TREH: variants seen among roughly 807,000 people sequenced by gnomAD.
The protein encoded by TREH is alpha,alpha-trehalose glucohydrolase.
In TREH, 69 loss-of-function variants were observed where a neutral mutation model predicts 80.5. That is an observed-to-expected ratio of 0.86 (90% confidence interval 0.71 to 1.05). The LOEUF is 1.05. Ranked by LOEUF, TREH falls within the 50% of genes least tolerant of loss-of-function variation. TREH has a pLI of 0.00. For missense variants in TREH, 716 were observed against 718.8 expected (o/e 1.00, Z 0.04); for synonymous variants, 309 against 293.5 (o/e 1.05, Z -0.54).
Position 118,662,144 on chromosome 11 carries a change from G to C in TREH, c.424-154C>G, listed in dbSNP as rs537884247. On this transcript the variant is annotated intron_variant, in intron 4 of 14. Transcript: ENST00000264029. Reference sequence around the variant, plus strand: ...CACTGCTACTCAGCCATGTAATCAAGGCCTGGCCGCTGGGAGCCTTGGGGT... The same window carrying C: ...CACTGCTACTCAGCCATGTAATCAACGCCTGGCCGCTGGGAGCCTTGGGGT... Among the ~76,000 whole-genome samples, 147 of 152,344 alleles carry C rather than the reference G, an allele frequency of 9.6e-4. 1 individual carries two copies. Among genetic ancestry groups the C allele is most frequent in the African/African-American group, 3.4e-3 (143 of 41,576 alleles).
At chr11:118,659,189 G>A (rs1949272801) in intron 12 of TREH, among the ~76,000 whole-genome samples, 172 bp from the exon 13 acceptor site, 1 of 152,234 alleles carries the variant, frequency 6.6e-6, no homozygotes, top group Non-Finnish European at 1.5e-5. Context: ...AGGGCGAACA[G>A]GACTGATTGC....
chr11:118,674,331 C>G lies in TREH; in HGVS notation c.89+5208G>C, dbSNP rs1396664301. Among the ~76,000 whole-genome samples the G allele has an allele frequency of 6.6e-6, 1 of 152,208 alleles. No individual in the cohort carries two copies. The highest frequency in any genetic ancestry group is 1.5e-5 in the Non-Finnish European group (1 of 68,042). On this transcript the variant is annotated intron_variant, in intron 1 of 14. Transcript: ENST00000264029. The surrounding 1 kb of genome is among the most constrained non-coding windows in gnomAD (Gnocchi z 4.4). ...CTATGCTCCAGAGAAGGCTAACAAT[C>G]TCTGTGGACTTGGGCAATCTTATTG...
chr11:118,658,305 C>A lies in TREH; in HGVS notation c.1736G>T (p.Ser579Ile). 6.3e-7 allele frequency: 1 copy of A among 1,587,498 alleles called. No individual in the cohort carries two copies. Among genetic ancestry groups the A allele is most frequent in the Non-Finnish European group, 8.6e-7 (1 of 1,167,784 alleles). ...AATLLPSLLL[S>I]LLPW Reference sequence around the variant, plus strand: ...GGAGGGCTGTCACCATGGCAGGAGGCTGAGCAGGAGGCTGGGCAGAAGGGT... The same window carrying A: ...GGAGGGCTGTCACCATGGCAGGAGGATGAGCAGGAGGCTGGGCAGAAGGGT... The change falls in exon 15 of 15, where the codon AGC becomes ATC. Residue 579 changes from serine (S) to isoleucine (I), a missense_variant. By Grantham distance (142) the Ser-to-Ile change is moderately radical. Transcript: ENST00000264029.
intron 1 of TREH, among the ~76,000 whole-genome samples, chr11:118,671,031 G>A (rs192398051): frequency 6.6e-6 from 1 of 152,116 alleles, no homozygotes. Flanking sequence ...TATCCAGATT[G>A]TAGGTAGAAA....
In TREH at chr11:118,660,692, C is replaced by A; in HGVS notation, c.949G>T (p.Glu317Ter). Residue 317 changes from glutamate to a stop codon, truncating the protein, a stop_gained, in exon 10 of 15, where the codon GAG (glutamate) becomes TAG (stop). Coordinates refer to ENST00000264029, the MANE Select transcript of TREH (RefSeq NM_007180.3). LOFTEE classifies it high-confidence loss of function. ...CGTGAAGAGAAGTCCCAGCCAGACT[C>A]AGCCCCAGCCTTGAGCTCAGCCCAC... ...ALWAELKAGA[E>*]SGWDFSSRWL... 1 of 1,600,570 alleles carries A rather than the reference C, an allele frequency of 6.2e-7. No homozygotes were observed. The highest frequency in any genetic ancestry group is 8.5e-7 in the Non-Finnish European group (1 of 1,173,670).
At chr11:118,676,816 G>A (rs956861770) in intron 1 of TREH, among the ~76,000 whole-genome samples, 6 of 150,282 alleles carry the variant, frequency 4.0e-5, no homozygotes, top group Non-Finnish European at 8.9e-5. Context: ...ACACTAATCA[G>A]GGACCACTAT....
chr11:118,673,173 T>C (rs1234074870), intron 1 of TREH, among the ~76,000 whole-genome samples: 1 of 152,222 alleles, frequency 6.6e-6, no homozygotes. Flanking sequence ...ATTGAACCAC[T>C]CCTCTGAAGA....
At chr11:118,669,395 C>G (rs506234) in intron 1 of TREH, among the ~76,000 whole-genome samples, 64,448 of 152,114 alleles carry the variant, frequency 0.42, 13,871 homozygotes, top group African/African-American at 0.5. Flanking sequence ...TCTGCACTCC[C>G]ATGTTTATTG....
In TREH at chr11:118,661,694, G is replaced by C. The variant is rs1446204296; in HGVS notation, c.560C>G (p.Ser187Ter). The change falls in exon 6 of 15, where the codon TCA becomes TGA. Residue 187 changes from serine to a stop codon, truncating the protein, a stop_gained. Transcript: ENST00000264029. LOFTEE classifies it high-confidence loss of function. This position sits in a 1 kb window ranked among gnomAD's most constrained non-coding sequence, Gnocchi z 4.2. Reference protein sequence around the residue: ...SYWVMEGLLLSEMAETVKGML... With the variant: ...SYWVMEGLLL The stretch of plus-strand genomic sequence containing the variant: ...GCCCTTCACCGTCTCAGCCATCTCT[G>C]AGAGGAGCAGACCCTCCATGACCCA... 8 of 1,613,854 alleles carry C rather than the reference G, an allele frequency of 5.0e-6. No individual in the cohort carries two copies. The highest frequency in any genetic ancestry group is 5.1e-6 in the Non-Finnish European group (6 of 1,179,904).
At chr11:118,677,060 G>A (rs1949487509) in intron 1 of TREH, among the ~76,000 whole-genome samples, 1 of 152,264 alleles carries the variant, frequency 6.6e-6, no homozygotes, top group Admixed American at 6.5e-5. Flanking sequence ...TGCCTGATAA[G>A]TCTTTGTTTT....
intron 1 of TREH, among the ~76,000 whole-genome samples, chr11:118,677,137 C>T (rs1050060583): frequency 4.6e-5 from 7 of 152,202 alleles, no homozygotes; most frequent in Admixed American, 6.5e-5. Context: ...GGCCTTTGGC[C>T]GCCCAGTATC....
intron 11 of TREH, 82 bp downstream of exon 11, chr11:118,659,665 G>A: frequency 1.1e-5 from 16 of 1,486,968 alleles, no homozygotes; most frequent in South Asian, 2.5e-5. Context: ...CGGAGGAAGC[G>A]CCCTCCCCTG....
At chr11:118,669,004 G>A (rs1343310775) in intron 1 of TREH, among the ~76,000 whole-genome samples, 2 of 152,066 alleles carry the variant, frequency 1.3e-5, no homozygotes, top group Non-Finnish European at 2.9e-5. Flanking sequence ...GAACTGAATA[G>A]ACATTACTCA....
Position 118,658,380 on chromosome 11 carries a change from A to G in TREH, c.1661T>C (p.Leu554Pro). The change falls in exon 15 of 15, where the codon CTG (leucine) becomes CCG (proline). Residue 554 changes from leucine (L) to proline (P), a missense_variant. Leu to Pro is a moderately conservative substitution (Grantham distance 98, BLOSUM62 -3). Coordinates refer to ENST00000264029, the MANE Select transcript of TREH (RefSeq NM_007180.3). ...LMLLDRYGDR[L>P]TSGAKLAFLE... is the part of the protein sequence containing the mutation. ...GAAAGCCAGCTTGGCCCCTGAGGTC[A>G]GCCGGTCACCATAGCGGTCCAGCAG... 1 of 1,609,396 alleles carries G rather than the reference A, an allele frequency of 6.2e-7. No individual in the cohort carries two copies. The highest frequency in any genetic ancestry group is 1.1e-5 in the South Asian group (1 of 90,068).
chr11:118,665,456 G>A (rs970736963), intron 1 of TREH, among the ~76,000 whole-genome samples: 7 of 152,052 alleles, frequency 4.6e-5, no homozygotes, highest in Admixed American at 1.3e-4. Flanking sequence ...TGGCTAACAC[G>A]ATGAAACCCC....
At chr11:118,677,596 G>A (rs1949491866) in intron 1 of TREH, among the ~76,000 whole-genome samples, 5 of 152,204 alleles carry the variant, frequency 3.3e-5, no homozygotes, top group Middle Eastern at 6.8e-3. Context: ...GTGGTGGCAG[G>A]TGCCTGTAGT....
chr11:118,665,450 T>C (rs1949368178), intron 1 of TREH, among the ~76,000 whole-genome samples: 3 of 151,998 alleles, frequency 2.0e-5, no homozygotes, highest in South Asian at 4.2e-4. Context: ...CCTTCCTGGC[T>C]AACACGATGA....
At chr11:118,673,788 A>C (rs1448035899) in intron 1 of TREH, among the ~76,000 whole-genome samples, 3 of 152,218 alleles carry the variant, frequency 2.0e-5, no homozygotes, top group Non-Finnish European at 2.9e-5. Flanking sequence ...AAAAACCTAA[A>C]CAGTATGCAA....
chr11:118,661,481 C>G lies in TREH; in HGVS notation c.646G>C (p.Val216Leu). The change falls in exon 7 of 15, where the codon GTG (valine) becomes CTG (leucine). Residue 216 changes from valine (V) to leucine (L), a missense_variant. By Grantham distance (32) the Val-to-Leu change is conservative (BLOSUM62 1). Transcript: ENST00000264029. The surrounding 1 kb of genome is among the most constrained non-coding windows in gnomAD (Gnocchi z 4.2). The part of the protein sequence containing the change: ...TYGHVPNGGR[V>L]YYLQRSQPPL... ...GGCTGGCTCCGCTGCAGGTAGTACACGCGCCCACCATTGGGGACATGCCCA... is the reference window on the plus strand; with the variant it reads ...GGCTGGCTCCGCTGCAGGTAGTACAGGCGCCCACCATTGGGGACATGCCCA... 2 of 1,613,624 alleles carry G rather than the reference C, an allele frequency of 1.2e-6. No homozygotes were observed. Among genetic ancestry groups the G allele is most frequent in the Non-Finnish European group, 1.7e-6 (2 of 1,179,744 alleles).
Sources: allele counts gnomAD v4.1 joint callset (sites outside exome capture counted in the v4.1 genomes callset), GRCh38; gene constraint gnomAD v4.1.1; non-coding constraint Gnocchi (gnomAD v3.1); transcripts MANE v1.5; gene names NCBI Gene and HGNC (gene_info 2026-07-23, HGNC 2026-07-21).